LHCGR: variants seen among roughly 807,000 people sequenced by gnomAD.
LHCGR encodes luteinizing hormone/choriogonadotropin receptor, also known as lutropin-choriogonadotropic hormone receptor.
Under a neutral mutation model 60.7 loss-of-function variants are expected in LHCGR, and 55 were observed. That is an observed-to-expected ratio of 0.91 (90% CI 0.73 to 1.13). The LOEUF (loss-of-function observed/expected upper bound fraction) is 1.13, where lower values mean the gene tolerates loss of function less well. Ranked by LOEUF, LHCGR falls within the 50% of genes most tolerant of loss-of-function variation. LHCGR has a pLI of 0.00. For missense variants in LHCGR, 862 were observed against 836.0 expected, an observed-to-expected ratio of 1.03 and a Z score of -0.38; for synonymous variants, 337 against 316.5, an observed-to-expected ratio of 1.06 and a Z score of -0.69.
chr2:48,687,480 C>A lies in LHCGR; in HGVS notation c.*217G>T. 1 of 462,846 alleles carries A rather than the reference C, an allele frequency of 2.2e-6. No individual in the cohort carries two copies. The allele number at this position is 462,846 out of a possible 1,614,324, so 28.7% of individuals were successfully genotyped here. A position where few individuals can be genotyped will look rare whatever the true frequency, so the allele number is the denominator to read the frequency against. On this transcript the variant is annotated 3_prime_UTR_variant, in exon 11 of 11. Transcript: ENST00000294954. ...ATTTCTATAAAAATTTCTAAACACTCTCAACTTCAGTATTTATGCCATGTA... is the reference window on the plus strand; with the variant it reads ...ATTTCTATAAAAATTTCTAAACACTATCAACTTCAGTATTTATGCCATGTA...
chr2:48,740,069 A>G (rs1669371455), intron 1 of LHCGR, among the ~76,000 whole-genome samples: 1 of 152,208 alleles, frequency 6.6e-6, no homozygotes, highest in African/African-American at 2.4e-5. Flanking sequence ...CTAGTCAAAG[A>G]AAGGGGTGAC....
chr2:48,737,090 A>G (rs369854558), intron 1 of LHCGR, among the ~76,000 whole-genome samples: 1 of 152,318 alleles, frequency 6.6e-6, no homozygotes, highest in South Asian at 2.1e-4. Flanking sequence ...TGGAGTCTCC[A>G]AAGACTGTAT....
intron 2 of LHCGR, among the ~76,000 whole-genome samples, chr2:48,730,565 G>A (rs912894229): frequency 3.3e-5 from 5 of 152,180 alleles, no homozygotes; most frequent in Non-Finnish European, 7.4e-5. Flanking sequence ...GATGCACTGT[G>A]AGAACTCAAT....
chr2:48,728,146 C>T (rs1668830317), intron 3 of LHCGR, among the ~76,000 whole-genome samples: 1 of 151,650 alleles, frequency 6.6e-6, no homozygotes, highest in Non-Finnish European at 1.5e-5. Flanking sequence ...TTATGTGTGA[C>T]CCAAGACAAT....
chr2:48,727,766 T>C (rs7561278), intron 3 of LHCGR, among the ~76,000 whole-genome samples: 27,839 of 152,302 alleles, frequency 0.18, 3,043 homozygotes, highest in East Asian at 0.34. Context: ...GGCTACACTG[T>C]CATCTCATGG....
Position 48,723,684 on chromosome 2 carries a change from G to A in LHCGR, c.396C>T (p.Asn132=), listed in dbSNP as rs1234609225. ...LPRLKYLSIC[N]TGIRKFPDVT... ...CATCTGGAAACTTTCTGATGCCTGT[G>A]TTACAGATGCTCCTGTGATTAGGGA... The change falls in exon 5 of 11, where the codon AAC becomes AAT. Residue 132 remains asparagine (N), a synonymous_variant. Coordinates refer to ENST00000294954, the MANE Select transcript of LHCGR (RefSeq NM_000233.4). 6.2e-7 allele frequency: 1 copy of A among 1,613,038 alleles called. No individual in the cohort carries two copies. Among genetic ancestry groups the A allele is most frequent in the Middle Eastern group, 1.6e-4 (1 of 6,062 alleles).
chr2:48,693,972 G>A (rs544991380), intron 10 of LHCGR, among the ~76,000 whole-genome samples: 54 of 152,276 alleles, frequency 3.5e-4, no homozygotes, highest in African/African-American at 1.2e-3. Context: ...TAATTTTTGA[G>A]GAGGCTTTAA....
rs775694746 is a variant in LHCGR, at chr2:48,687,798, A to G, written c.1999T>C (p.Phe667Leu). 23 of 1,614,192 alleles carry G rather than the reference A, an allele frequency of 1.4e-5. No homozygotes were observed. The highest frequency in any genetic ancestry group is 1.9e-5 in the Non-Finnish European group (23 of 1,180,014). The change falls in exon 11 of 11, where the codon TTC (phenylalanine) becomes CTC (leucine). Residue 667 changes from phenylalanine (F) to leucine (L), a missense_variant. Coordinates refer to ENST00000294954, the MANE Select transcript of LHCGR (RefSeq NM_000233.4). ...SAYTSNCKNG[F>L]TGSNKPSQST... ...TGAGAAGGCTTATTTGATCCAGTGA[A>G]GCCATTTTTGCAGTTGGAGGTGTAA...
At chr2:48,716,373 T>C (rs1380220846) in intron 6 of LHCGR, among the ~76,000 whole-genome samples, 1 of 152,244 alleles carries the variant, frequency 6.6e-6, no homozygotes, top group African/African-American at 2.4e-5. Context: ...TCATTTAATG[T>C]ATATTTACTG....
At chr2:48,731,146 C>T in intron 2 of LHCGR, 81 bp downstream of exon 2, 1 of 906,456 alleles carries the variant, frequency 1.1e-6, no homozygotes, top group Non-Finnish European at 1.8e-6. Context: ...GAAAAATTAT[C>T]CCCTTTCAAA....
chr2:48,713,954 T>C, intron 7 of LHCGR, 32 bp downstream of exon 7: 1 of 1,489,542 alleles, frequency 6.7e-7, no homozygotes, highest in Non-Finnish European at 9.4e-7. Context: ...TTCATTTTTA[T>C]TCCTGAGCTG....
intron 1 of LHCGR, among the ~76,000 whole-genome samples, chr2:48,736,348 C>A (rs967096853): frequency 6.6e-6 from 1 of 152,192 alleles, no homozygotes; most frequent in Non-Finnish European, 1.5e-5. Flanking sequence ...AGACCTTCTT[C>A]CTATCAATTC....
At chr2:48,746,567 C>A (rs1669714702) in intron 1 of LHCGR, among the ~76,000 whole-genome samples, 1 of 152,200 alleles carries the variant, frequency 6.6e-6, no homozygotes, top group Admixed American at 6.6e-5. Context: ...TCTAAGACAG[C>A]CATTCCGCAG....
intron 1 of LHCGR, among the ~76,000 whole-genome samples, chr2:48,746,188 T>G (rs1322517198): frequency 6.6e-6 from 1 of 152,228 alleles, no homozygotes; most frequent in East Asian, 1.9e-4. Flanking sequence ...TTATGACATC[T>G]CTATTTCCTT....
chr2:48,724,604 C>A (rs572573792), intron 4 of LHCGR, among the ~76,000 whole-genome samples: 1 of 152,070 alleles, frequency 6.6e-6, no homozygotes, highest in African/African-American at 2.4e-5. Flanking sequence ...GGGTGAATAT[C>A]ACAGTTTTGG....
At chr2:48,723,390 C>G in intron 6 of LHCGR, 66 bp downstream of exon 6, 1 of 1,142,082 alleles carries the variant, frequency 8.8e-7, no homozygotes, top group Non-Finnish European at 1.3e-6. Context: ...AAAAAGCTCA[C>G]CCCAACCTAG....
chr2:48,716,006 C>T (rs368606037), intron 6 of LHCGR, among the ~76,000 whole-genome samples: 21 of 152,256 alleles, frequency 1.4e-4, no homozygotes, highest in African/African-American at 4.8e-4. Flanking sequence ...TTCCCAGGCT[C>T]TCATATGCTT....
chr2:48,698,904 C>T (rs1028146960), intron 8 of LHCGR, 104 bp from the exon 9 acceptor site: 47 of 909,076 alleles, frequency 5.2e-5, no homozygotes, highest in Non-Finnish European at 1.0e-5. Context: ...TGCAGTGGCA[C>T]GACCTCGGCT....
At chr2:48,710,581 C>T (rs896120127) in intron 7 of LHCGR, among the ~76,000 whole-genome samples, 2 of 152,196 alleles carry the variant, frequency 1.3e-5, no homozygotes, top group Non-Finnish European at 1.5e-5. Flanking sequence ...ATGATGTGAC[C>T]TTGCGGTGTG....
Sources: allele counts gnomAD v4.1 joint callset (sites outside exome capture counted in the v4.1 genomes callset), GRCh38; gene constraint gnomAD v4.1.1; transcripts MANE v1.5; gene names NCBI Gene and HGNC (gene_info 2026-07-23, HGNC 2026-07-21).